The following PBX3 variants were observed in gnomAD, a reference collection of about 807,000 sequenced individuals.
The protein encoded by PBX3 is PBX homeobox 3.
PBX3 carries 14 observed loss-of-function variants against 48.5 expected under a neutral mutation model. The observed-to-expected ratio is 0.29, with a 90% CI of 0.19 to 0.45. PBX3 has a LOEUF of 0.45. Ranked by LOEUF, PBX3 falls within the 20% of genes least tolerant of loss-of-function variation. The probability of loss-of-function intolerance (pLI) is 1.00; values close to 1 mark genes in which losing one functional copy is unlikely to be tolerated. For missense variants in PBX3, 386 were observed against 546.7 expected (o/e 0.71, Z 2.93); for synonymous variants, 210 against 200.3 (o/e 1.05, Z -0.41).
At chr9:125,783,262 C>G (rs1427725771) in intron 2 of PBX3, among the ~76,000 whole-genome samples, 1 of 151,966 alleles carries the variant, frequency 6.6e-6, no homozygotes, top group East Asian at 1.9e-4. Context: ...GCATGATATT[C>G]TCTTAGGCTC....
chr9:125,794,258 T>C (rs1837712283), intron 2 of PBX3, among the ~76,000 whole-genome samples: 1 of 152,222 alleles, frequency 6.6e-6, no homozygotes, highest in South Asian at 2.1e-4. Context: ...AGCATGGCCA[T>C]CACCTGGGAG....
At chr9:125,793,366 A>AAAAAAAAATATATATATATAT (rs59271982) in intron 2 of PBX3, among the ~76,000 whole-genome samples, 3 of 101,940 alleles carry the variant, frequency 2.9e-5, no homozygotes, top group African/African-American at 1.3e-4. Context: ...GGAAAAAAAA[A>AAAAAAAAATATATATATATAT]ATATATATAT....
At chr9:125,762,510 C>G in intron 2 of PBX3, among the ~76,000 whole-genome samples, 1 of 152,032 alleles carries the variant, frequency 6.6e-6, no homozygotes, top group East Asian at 1.9e-4. Context: ...TATTTGCATT[C>G]CAGAAATTAA....
chr9:125,922,565 A>C (rs1007892150), intron 3 of PBX3, among the ~76,000 whole-genome samples: 1 of 152,198 alleles, frequency 6.6e-6, no homozygotes, highest in African/African-American at 2.4e-5. Context: ...AAGGCAAGGA[A>C]AAATTTCTCC....
chr9:125,780,124 C>T (rs1223959134), intron 2 of PBX3, among the ~76,000 whole-genome samples: 2 of 137,596 alleles, frequency 1.5e-5, no homozygotes, highest in Non-Finnish European at 3.2e-5. Context: ...CTCCTCACTT[C>T]CCAGTAGGGG....
chr9:125,817,444 T>G (rs1838498077), intron 2 of PBX3, among the ~76,000 whole-genome samples: 1 of 152,214 alleles, frequency 6.6e-6, no homozygotes, highest in Admixed American at 6.5e-5. Context: ...TATAGATTAA[T>G]CCACTGGGGT....
intron 2 of PBX3, among the ~76,000 whole-genome samples, chr9:125,823,098 T>C (rs1027644842): frequency 6.6e-6 from 1 of 152,190 alleles, no homozygotes; most frequent in African/African-American, 2.4e-5. Flanking sequence ...ATGTGTAAGT[T>C]TGTGGTATGG....
chr9:125,839,556 G>A (rs1182836551), intron 2 of PBX3, among the ~76,000 whole-genome samples: 1 of 152,172 alleles, frequency 6.6e-6, no homozygotes, highest in African/African-American at 2.4e-5. Context: ...CACAATAAAA[G>A]TTAGCAAGAT....
At chr9:125,790,782 G>C (rs1403933447) in intron 2 of PBX3, among the ~76,000 whole-genome samples, 2 of 152,012 alleles carry the variant, frequency 1.3e-5, no homozygotes, top group African/African-American at 4.8e-5. Flanking sequence ...GCCCGGACTG[G>C]TCTTGAACTT....
chr9:125,962,751 C>T (rs1842456312), intron 7 of PBX3, among the ~76,000 whole-genome samples: 1 of 152,164 alleles, frequency 6.6e-6, no homozygotes, highest in Non-Finnish European at 1.5e-5. Context: ...TCACCCACAG[C>T]CACATCCATT....
intron 5 of PBX3, among the ~76,000 whole-genome samples, chr9:125,945,189 A>G (rs1007200393): frequency 1.3e-4 from 20 of 151,506 alleles, no homozygotes; most frequent in Non-Finnish European, 1.6e-4. Flanking sequence ...ATGCCAGTGC[A>G]CTCCAGCCTG....
chr9:125,815,073 C>T (rs1354366497), intron 2 of PBX3, among the ~76,000 whole-genome samples: 1 of 152,160 alleles, frequency 6.6e-6, no homozygotes, highest in East Asian at 1.9e-4. Context: ...AATTTTTCCT[C>T]ACAACCTGAA....
intron 2 of PBX3, among the ~76,000 whole-genome samples, chr9:125,914,909 T>G (rs564024267): frequency 1.8e-4 from 27 of 152,212 alleles, no homozygotes; most frequent in Non-Finnish European, 3.4e-4. Flanking sequence ...AGCTATGATC[T>G]ATAGTACTCA....
chr9:125,921,056 A>G (rs1841446157), intron 3 of PBX3, among the ~76,000 whole-genome samples: 1 of 152,164 alleles, frequency 6.6e-6, no homozygotes, highest in Non-Finnish European at 1.5e-5. Context: ...CCATTTTGCT[A>G]TTTCTTCTTA....
At chr9:125,845,960 G>A (rs1446205516) in intron 2 of PBX3, among the ~76,000 whole-genome samples, 2 of 152,000 alleles carry the variant, frequency 1.3e-5, no homozygotes, top group African/African-American at 4.8e-5. Context: ...TTATGCAATA[G>A]GCCTTGACTC....
intron 3 of PBX3, among the ~76,000 whole-genome samples, chr9:125,922,586 T>A (rs999129611): frequency 6.6e-6 from 1 of 152,206 alleles, no homozygotes; most frequent in African/African-American, 2.4e-5. Context: ...AAATGTCTAT[T>A]TTAATATATC....
intron 2 of PBX3, among the ~76,000 whole-genome samples, chr9:125,832,682 A>G (rs1297370420): frequency 6.6e-6 from 1 of 152,196 alleles, no homozygotes; most frequent in Non-Finnish European, 1.5e-5. Context: ...CTGTCCTCAG[A>G]TTCACTTGCT....
intron 2 of PBX3, among the ~76,000 whole-genome samples, chr9:125,805,919 T>G (rs975313545): frequency 1.2e-4 from 18 of 152,198 alleles, no homozygotes; most frequent in African/African-American, 4.3e-4. Context: ...CAGATAAAAT[T>G]TCTTATCCTA....
chr9:125,965,265 T>A (rs1029468280), intron 8 of PBX3, among the ~76,000 whole-genome samples: 2 of 152,224 alleles, frequency 1.3e-5, no homozygotes, highest in African/African-American at 4.8e-5. Flanking sequence ...CAGCCACAGA[T>A]AATTGGAATA....
Sources: gnomAD v4.1 joint callset for allele counts (sites outside exome capture counted in the v4.1 genomes callset) on GRCh38, gnomAD v4.1.1 for gene constraint, MANE v1.5 for transcripts, NCBI Gene and HGNC (gene_info 2026-07-23, HGNC 2026-07-21) for gene names.